Variants in NTM observed in about 807,000 individuals in gnomAD.
NTM encodes the protein neurotrimin, also known as IgLON family member 2.
In NTM, 13 loss-of-function variants were observed where a neutral mutation model predicts 42.1. The observed-to-expected ratio is 0.31, with a 90% CI of 0.20 to 0.49. The LOEUF (loss-of-function observed/expected upper bound fraction) is 0.49, where lower values mean the gene tolerates loss of function less well. Ranked by LOEUF, NTM falls within the 20% of genes least tolerant of loss-of-function variation. The probability of loss-of-function intolerance (pLI) is 0.99; values close to 1 mark genes in which losing one functional copy is unlikely to be tolerated. For missense variants in NTM, 373 were observed against 452.8 expected, an observed-to-expected ratio of 0.82 and a Z score of 1.60; for synonymous variants, 187 against 179.2, an observed-to-expected ratio of 1.04 and a Z score of -0.35.
rs1394887045 is a variant in NTM, at chr11:132,212,124, C to G, written c.503C>G (p.Thr168Ser). The stretch of plus-strand genomic sequence containing the variant: ...ACTGGTAGACCAGAGCCTACGGTTA[C>G]TTGGAGACACATCTCTCCCAAAGGT... ...IATGRPEPTV[T>S]WRHISPKAVG... The change falls in exon 4 of 9, where the codon ACT becomes AGT. Residue 168 changes from threonine to serine, a missense_variant. Thr to Ser is a moderately conservative substitution (Grantham distance 58). This residue lies in a region of NTM where 312 missense variants were observed against 353.5 expected (regional missense o/e 0.88). Coordinates refer to ENST00000683400, the MANE Select transcript of NTM (RefSeq NM_001352005.2). 1 of 1,613,158 alleles carries G rather than the reference C, an allele frequency of 6.2e-7. No individual in the cohort carries two copies. The highest frequency in any genetic ancestry group is 1.1e-5 in the South Asian group (1 of 90,838).
At chr11:131,985,579 C>T (rs948491887) in intron 2 of NTM, among the ~76,000 whole-genome samples, 13 of 152,168 alleles carry the variant, frequency 8.5e-5, no homozygotes, top group African/African-American at 2.9e-4. Flanking sequence ...TGCCTACCCT[C>T]AGTTTGTGAC....
intron 1 of NTM, among the ~76,000 whole-genome samples, chr11:131,543,962 G>A (rs1008651250): frequency 1.3e-5 from 2 of 152,204 alleles, no homozygotes; most frequent in Non-Finnish European, 2.9e-5. Flanking sequence ...CACCAGGCAG[G>A]TGGCCTCTCG....
intron 1 of NTM, among the ~76,000 whole-genome samples, chr11:131,827,267 T>C (rs951981167): frequency 4.6e-5 from 7 of 152,194 alleles, no homozygotes; most frequent in African/African-American, 1.7e-4. Flanking sequence ...AGGAGAGCCA[T>C]ACATATACAG....
At chr11:131,536,674 C>T (rs1464980797) in intron 1 of NTM, 1 of 152,070 alleles carries the variant, frequency 6.6e-6, no homozygotes, top group African/African-American at 2.4e-5. Context: ...GTAGATTCTA[C>T]TTGAGGAAAC....
intron 1 of NTM, among the ~76,000 whole-genome samples, chr11:131,405,063 A>AT (rs1360828431): frequency 2.7e-4 from 41 of 152,208 alleles, no homozygotes; most frequent in Admixed American, 2.2e-3. Flanking sequence ...ACAGCTGACA[A>AT]TTTTTTTGTT....
intron 1 of NTM, among the ~76,000 whole-genome samples, chr11:131,815,137 G>T (rs558937919): frequency 2.6e-5 from 4 of 152,268 alleles, no homozygotes; most frequent in East Asian, 3.9e-4. Flanking sequence ...CCTCCGCTTG[G>T]CTTAGAGGGA....
At chr11:131,938,397 G>A (rs79652152) in intron 2 of NTM, among the ~76,000 whole-genome samples, 147 of 152,302 alleles carry the variant, frequency 9.7e-4, no homozygotes, top group African/African-American at 2.3e-3. Flanking sequence ...GGCTGAAACC[G>A]TCTTGGCAAG....
At chr11:131,777,184 C>T (rs1357486129) in intron 1 of NTM, 4 of 457,152 alleles carry the variant, frequency 8.7e-6, no homozygotes, top group African/African-American at 2.1e-5. Flanking sequence ...TGGTAGAGTG[C>T]CCTCTCTTTG....
intron 3 of NTM, among the ~76,000 whole-genome samples, chr11:132,197,219 G>A (rs956971943): frequency 6.6e-6 from 1 of 152,150 alleles, no homozygotes; most frequent in East Asian, 1.9e-4. Flanking sequence ...AGATGGAAGG[G>A]TAGATCTGCT....
intron 3 of NTM, among the ~76,000 whole-genome samples, chr11:132,185,004 G>T (rs1042651596): frequency 6.6e-6 from 1 of 152,122 alleles, no homozygotes. Flanking sequence ...TTATTTTGCT[G>T]CGATTGTTTA....
chr11:131,559,866 C>T (rs191275211), intron 1 of NTM, among the ~76,000 whole-genome samples: 76 of 152,262 alleles, frequency 5.0e-4, no homozygotes, highest in African/African-American at 1.7e-3. Flanking sequence ...GTATACATCC[C>T]TTCTGCTGTC....
rs956428180 is a variant in NTM, at chr11:132,038,247, A to G, written c.168-108035A>G. Among the ~76,000 whole-genome samples the G allele has an allele frequency of 4.6e-5, 7 of 152,192 alleles. No individual in the cohort carries two copies. The East Asian group carries it at 1.3e-3, about 29-fold the overall frequency. On this transcript the variant is annotated intron_variant, in intron 2 of 8. Coordinates refer to ENST00000683400, the MANE Select transcript of NTM (RefSeq NM_001352005.2). Reference sequence around the variant, plus strand: ...TAGGGGTAAAGGGTTATCTTGATCAATCCACCTTTCTTGATGGTGCTCGCT... The same window carrying G: ...TAGGGGTAAAGGGTTATCTTGATCAGTCCACCTTTCTTGATGGTGCTCGCT...
At chr11:131,794,769 C>G (rs1215021142) in intron 1 of NTM, 15 of 985,226 alleles carry the variant, frequency 1.5e-5, no homozygotes, top group Non-Finnish European at 1.7e-5. Context: ...GCTCCACACA[C>G]CATGTGAAAA....
At chr11:131,561,381 T>C (rs2137000763) in intron 1 of NTM, among the ~76,000 whole-genome samples, 1 of 152,360 alleles carries the variant, frequency 6.6e-6, no homozygotes, top group South Asian at 2.1e-4. Flanking sequence ...TCATGACTAA[T>C]GTGGCAATTT....
intron 7 of NTM, 144 bp downstream of exon 7, chr11:132,314,847 CAGAA>C: frequency 2.2e-6 from 3 of 1,385,868 alleles, no homozygotes; most frequent in Non-Finnish European, 2.8e-6. Context: ...GAGAGAGACA[CAGAA>C]AGAAATGGAG....
chr11:132,294,283 C>T (rs892701077), intron 4 of NTM, among the ~76,000 whole-genome samples: 2 of 151,972 alleles, frequency 1.3e-5, no homozygotes, highest in African/African-American at 4.8e-5. Context: ...TCTCACACTC[C>T]CCTCGCCTTC....
At chr11:131,928,095 AGTT>A (rs2058159797) in intron 2 of NTM, among the ~76,000 whole-genome samples, 1 of 152,090 alleles carries the variant, frequency 6.6e-6, no homozygotes, top group East Asian at 1.9e-4. Flanking sequence ...TACCTGACAG[AGTT>A]GTTACAAAAA....
At chr11:131,451,095 C>T (rs867104506) in intron 1 of NTM, among the ~76,000 whole-genome samples, 3 of 151,338 alleles carry the variant, frequency 2.0e-5, no homozygotes, top group African/African-American at 7.3e-5. Flanking sequence ...TGGAACAGAA[C>T]AAAATTTCCT....
intron 1 of NTM, among the ~76,000 whole-genome samples, chr11:131,532,258 T>A (rs1210058736): frequency 6.6e-6 from 1 of 152,222 alleles, no homozygotes. Context: ...CTCCAGCTCC[T>A]GGTAACTTTC....
Sources: allele counts gnomAD v4.1 joint callset (sites outside exome capture counted in the v4.1 genomes callset), GRCh38; gene constraint gnomAD v4.1.1; regional missense constraint gnomAD v4.1.1; transcripts MANE v1.5; gene names NCBI Gene and HGNC (gene_info 2026-07-23, HGNC 2026-07-21).